Variants in USP40 observed in about 807,000 individuals in gnomAD.
The protein encoded by USP40 is ubiquitin specific peptidase 40.
USP40 carries 143 observed loss-of-function variants against 166.2 expected under a neutral mutation model. The observed-to-expected ratio is 0.86, with a 90% CI of 0.75 to 0.99. USP40 has a LOEUF of 0.99. Among genes scored for constraint, USP40 ranks in the 50% least tolerant of loss-of-function variants. USP40 has a pLI of 0.00. For synonymous variants in USP40, 498 were observed against 524.0 expected, an observed-to-expected ratio of 0.95 and a Z score of 0.68; for missense variants, 1,444 against 1,479.7, an observed-to-expected ratio of 0.98 and a Z score of 0.40.
intron 27 of USP40, among the ~76,000 whole-genome samples, 153 bp from the exon 28 acceptor site, chr2:233,488,457 G>A (rs978198941): frequency 1.3e-5 from 2 of 152,172 alleles, no homozygotes; most frequent in Non-Finnish European, 2.9e-5. Flanking sequence ...GGGAAAAAAT[G>A]AGAATCCTTG....
chr2:233,483,357 G>A (rs1266852005), intron 30 of USP40, among the ~76,000 whole-genome samples: 1 of 152,148 alleles, frequency 6.6e-6, no homozygotes, highest in Non-Finnish European at 1.5e-5. Flanking sequence ...CGGGCATAAT[G>A]GCACGTGCCT....
intron 21 of USP40, among the ~76,000 whole-genome samples, chr2:233,501,939 G>C (rs2066098603): frequency 6.6e-6 from 1 of 152,186 alleles, no homozygotes; most frequent in Non-Finnish European, 1.5e-5. Context: ...GAGAAGGGTA[G>C]GCCAGTGGGA....
intron 4 of USP40, among the ~76,000 whole-genome samples, chr2:233,559,004 A>G (rs1407143928): frequency 6.6e-6 from 1 of 152,196 alleles, no homozygotes; most frequent in African/African-American, 2.4e-5. Context: ...GCAATATAAC[A>G]GTATTCCTAT....
rs1341462508 is a variant in USP40, at chr2:233,480,960, C to T, written c.3599+243G>A. Among the ~76,000 whole-genome samples, 5 of 152,262 alleles carry T rather than the reference C, an allele frequency of 3.3e-5. No homozygotes were observed. Among genetic ancestry groups the T allele is most frequent in the African/African-American group, 1.2e-4 (5 of 41,538 alleles). On this transcript the variant is annotated intron_variant, in intron 31 of 31. Transcript: ENST00000678225. This position sits in a 1 kb window ranked among gnomAD's most constrained non-coding sequence, Gnocchi z 4.5. ...GGGGGACCGGGGGGCCATGGATCTG[C>T]GGGCTCCTCATCGTGCCTCTGCAGT...
At position 233,565,489 on chromosome 2, in the gene USP40, C is replaced by T; in HGVS notation, c.66G>A (p.Lys22=). 2.0e-6 allele frequency: 3 copies of T among 1,537,182 alleles called. No homozygotes were observed. Among genetic ancestry groups the T allele is most frequent in the Non-Finnish European group, 2.6e-6 (3 of 1,146,826 alleles). ...TVSNNQYGKG[K]KLKTKALEPP... is the part of the protein sequence containing the mutation. ...GCTCCAAAGCTTTAGTCTTTAATTT[C>T]TTCCCTTTTCCATACTGATTATTAG... The change falls in exon 2 of 32, where the codon AAG becomes AAA. Residue 22 remains lysine (K), a synonymous_variant. Coordinates refer to ENST00000678225, the MANE Select transcript of USP40 (RefSeq NM_001365479.2).
intron 9 of USP40, among the ~76,000 whole-genome samples, chr2:233,541,247 T>C (rs1206811825): frequency 6.6e-6 from 1 of 152,218 alleles, no homozygotes; most frequent in African/African-American, 2.4e-5. Context: ...ATTCCTAACC[T>C]ACAATATTTC....
intron 1 of USP40, among the ~76,000 whole-genome samples, chr2:233,565,779 GTTAATCT>G (rs2072088813): frequency 6.6e-6 from 1 of 151,982 alleles, no homozygotes; most frequent in Admixed American, 6.6e-5. Context: ...CCCTGGATAT[GTTAATCT>G]GTTTTCTTAT....
chr2:233,562,669 A>T (rs1414662224), intron 3 of USP40, 67 bp downstream of exon 3: 8 of 1,204,722 alleles, frequency 6.6e-6, no homozygotes, highest in Non-Finnish European at 8.8e-6. Context: ...TACATATGTA[A>T]CTAACCTGCA....
intron 18 of USP40, among the ~76,000 whole-genome samples, chr2:233,518,566 C>T (rs1428347913): frequency 1.3e-5 from 1 of 77,842 alleles, no homozygotes; most frequent in Non-Finnish European, 2.6e-5. Context: ...GACTCTGTCT[C>T]AAAAAAAAAA....
At chr2:233,551,107 A>G (rs2070511832) in intron 7 of USP40, among the ~76,000 whole-genome samples, 1 of 152,236 alleles carries the variant, frequency 6.6e-6, no homozygotes. Flanking sequence ...CAGGAGACAT[A>G]TTTGGCTTTG....
chr2:233,527,405 A>G lies in USP40; in HGVS notation c.1725+2T>C. 1.9e-6 allele frequency: 3 copies of G among 1,611,308 alleles called. No homozygotes were observed. Among genetic ancestry groups the G allele is most frequent in the Non-Finnish European group, 2.5e-6 (3 of 1,179,306 alleles). Reference sequence around the variant, plus strand: ...AATTAAGAGGAAGTAAGGCGATATTACCTGAAATATTGACTGCCGGAGATC... The same window carrying G: ...AATTAAGAGGAAGTAAGGCGATATTGCCTGAAATATTGACTGCCGGAGATC... On this transcript the variant is annotated splice_donor_variant, in intron 13 of 31. Coordinates refer to ENST00000678225, the MANE Select transcript of USP40 (RefSeq NM_001365479.2). LOFTEE classifies it high-confidence loss of function.
chr2:233,518,208 T>G (rs1244683423), intron 18 of USP40, among the ~76,000 whole-genome samples: 1 of 123,614 alleles, frequency 8.1e-6, no homozygotes, highest in Non-Finnish European at 1.7e-5. Context: ...GCTCAAAATA[T>G]GTTTTTTTTT....
intron 30 of USP40, 34 bp downstream of exon 30, chr2:233,485,497 C>A (rs1352436940): frequency 1.3e-6 from 2 of 1,549,010 alleles, no homozygotes; most frequent in Middle Eastern, 1.7e-4. Context: ...CTCGTGTCTT[C>A]TCAAAGTGGT....
At chr2:233,494,958 A>ATATATT (rs2065632804) in intron 24 of USP40, among the ~76,000 whole-genome samples, 2 of 51,274 alleles carry the variant, frequency 3.9e-5, no homozygotes, top group Non-Finnish European at 7.6e-5. Context: ...ATATATATTT[A>ATATATT]TATATATATA....
In USP40 at chr2:233,551,472, T is replaced by G; in HGVS notation, c.741A>C (p.Leu247=). 6.2e-7 allele frequency: 1 copy of G among 1,610,412 alleles called. No individual in the cohort carries two copies. The highest frequency in any genetic ancestry group is 8.5e-7 in the Non-Finnish European group (1 of 1,178,340). Residue 247 remains leucine, a synonymous_variant, in exon 7 of 32, where the codon CTA becomes CTC. Transcript: ENST00000678225. The stretch of plus-strand genomic sequence containing the variant: ...ATTTCACAAAATCAAAATTAAATCT[T>G]AGTAATGAAACAGTAAGAAAAGGAG... ...KLPPFLTVSL[L]RFNFDFVKCE...
chr2:233,565,290 G>A, intron 2 of USP40, 66 bp downstream of exon 2: 2 of 1,210,456 alleles, frequency 1.7e-6, no homozygotes, highest in East Asian at 2.5e-5. Context: ...TTGTGATTTT[G>A]CATAATTAAT....
At chr2:233,494,941 T>C (rs539698867) in intron 24 of USP40, among the ~76,000 whole-genome samples, 2 of 46,940 alleles carry the variant, frequency 4.3e-5, no homozygotes, top group African/African-American at 1.5e-4. Context: ...TATATATATA[T>C]ATATATATAT....
At chr2:233,520,645 T>G in intron 17 of USP40, among the ~76,000 whole-genome samples, 1 of 151,990 alleles carries the variant, frequency 6.6e-6, no homozygotes, top group East Asian at 1.9e-4. Context: ...ATATGTATAC[T>G]TGGCTTAAAA....
At position 233,512,637 on chromosome 2, in the gene USP40, A is replaced by AATATCATTTTTCTTAGT; in HGVS notation, c.2384-16_2384-15insACTAAGAAAAATGATAT. On this transcript the variant is annotated splice_polypyrimidine_tract_variant and intron_variant, in intron 18 of 31. Transcript: ENST00000678225. ...GCTGTTGTCAGCTATATATAAAAGGAATATTATTTTTCTTAGAGAGCTAGG... is the reference window on the plus strand; with the variant it reads ...GCTGTTGTCAGCTATATATAAAAGGAATATCATTTTTCTTAGTATATTATTTTTCTTAGAGAGCTAGG... The AATATCATTTTTCTTAGT allele has an allele frequency of 7.2e-7, 1 of 1,384,452 alleles. No individual in the cohort carries two copies. The allele number at this position is 1,384,452 out of a possible 1,614,324, so 85.8% of individuals were successfully genotyped here.
Sources: gnomAD v4.1 joint callset for allele counts (sites outside exome capture counted in the v4.1 genomes callset) on GRCh38, gnomAD v4.1.1 for gene constraint, Gnocchi (gnomAD v3.1) non-coding constraint, MANE v1.5 for transcripts, NCBI Gene and HGNC (gene_info 2026-07-23, HGNC 2026-07-21) for gene names.